The following CWF19L2 variants were observed in gnomAD, a reference collection of about 807,000 sequenced individuals.
CWF19L2 encodes CWF19-like protein 2.
Under a neutral mutation model 111.7 loss-of-function variants are expected in CWF19L2, and 98 were observed. The observed-to-expected ratio is 0.88, with a 90% confidence interval of 0.75 to 1.04. The LOEUF (loss-of-function observed/expected upper bound fraction) is 1.04. CWF19L2 is among the 50% of genes least tolerant of loss of function. The pLI, the probability that CWF19L2 is intolerant of heterozygous loss-of-function variation, is 0.00. For synonymous variants in CWF19L2, 351 were observed against 342.9 expected, an observed-to-expected ratio of 1.02 and a Z score of -0.26; for missense variants, 1,101 against 1,051.4, an observed-to-expected ratio of 1.05 and a Z score of -0.65.
At chr11:107,408,811 C>T (rs550203) in intron 10 of CWF19L2, among the ~76,000 whole-genome samples, 105,303 of 151,730 alleles carry the variant, frequency 0.69, 36,869 homozygotes, top group Non-Finnish European at 0.74. Flanking sequence ...CAAGCAAGAC[C>T]ATACCTCAGG....
chr11:107,336,408 A>C (rs1859924209), intron 15 of CWF19L2, 150 bp downstream of exon 15: 1 of 640,196 alleles, frequency 1.6e-6, no homozygotes, highest in Admixed American at 4.0e-5. Context: ...TGGCCTTCCA[A>C]GTGAGGCACT....
intron 12 of CWF19L2, among the ~76,000 whole-genome samples, chr11:107,371,012 CTTTTT>C (rs577136063): frequency 1.0e-5 from 1 of 100,026 alleles, no homozygotes. Flanking sequence ...TCTAGTTTCT[CTTTTT>C]TTTTTTTTTT....
At chr11:107,371,225 G>A (rs1333313040) in intron 12 of CWF19L2, among the ~76,000 whole-genome samples, 1 of 135,916 alleles carries the variant, frequency 7.4e-6, no homozygotes, top group Non-Finnish European at 1.6e-5. Context: ...GGATGGTATC[G>A]ACCTCCTGAC....
intron 10 of CWF19L2, chr11:107,404,309 C>A (rs636080): frequency 0.7 from 552,430 of 785,972 alleles, 198,679 homozygotes; most frequent in Non-Finnish European, 0.77. Context: ...GCCAGTCTCC[C>A]ACAACTTTAG....
At chr11:107,444,947 C>A (rs1225642782) in intron 3 of CWF19L2, among the ~76,000 whole-genome samples, 2 of 152,174 alleles carry the variant, frequency 1.3e-5, no homozygotes, top group Non-Finnish European at 2.9e-5. Flanking sequence ...GGTACCTGAC[C>A]CAATTCACAT....
intron 3 of CWF19L2, among the ~76,000 whole-genome samples, chr11:107,445,947 GAAGTC>G (rs1002014932): frequency 2.6e-5 from 4 of 152,174 alleles, no homozygotes; most frequent in African/African-American, 7.2e-5. Context: ...GGACTTTCTG[GAAGTC>G]AAGTTAAGAA....
intron 12 of CWF19L2, among the ~76,000 whole-genome samples, chr11:107,373,007 T>G: frequency 2.3e-5 from 1 of 43,922 alleles, no homozygotes; most frequent in Non-Finnish European, 4.3e-5. Flanking sequence ...AAGAAAGGGG[T>G]GACGGACGCA....
At position 107,329,908 on chromosome 11, in the gene CWF19L2, G is replaced by A. The variant is rs1859817586; in HGVS notation, c.2541+10C>T. 2 of 1,534,234 alleles carry A rather than the reference G, an allele frequency of 1.3e-6. No individual in the cohort carries two copies. The highest frequency in any genetic ancestry group is 2.3e-5 in the Admixed American group (1 of 43,580). ...CTAACTCTGGGATTTTATCAAATTT[G>A]TAAGCCTACCTTTCCAAAGTAATGA... On this transcript the variant is annotated intron_variant, in intron 17 of 17. Coordinates refer to ENST00000282251, the MANE Select transcript of CWF19L2 (RefSeq NM_152434.3).
At chr11:107,419,182 C>G (rs1029938096) in intron 8 of CWF19L2, among the ~76,000 whole-genome samples, 2 of 152,148 alleles carry the variant, frequency 1.3e-5, no homozygotes, top group Non-Finnish European at 2.9e-5. Flanking sequence ...ACTAGCTAGA[C>G]TAGGAAATCA....
intron 7 of CWF19L2, among the ~76,000 whole-genome samples, chr11:107,431,285 TAA>T (rs10540159): frequency 0.18 from 27,096 of 151,736 alleles, 2,583 homozygotes; most frequent in Middle Eastern, 0.27. Flanking sequence ...ATTAGGATAA[TAA>T]AAGTTTAAAG....
chr11:107,333,188 C>T (rs1009341423), intron 16 of CWF19L2, among the ~76,000 whole-genome samples: 1 of 152,052 alleles, frequency 6.6e-6, no homozygotes, highest in Admixed American at 6.6e-5. Flanking sequence ...TATGTGATGC[C>T]TTAATAAAGG....
Position 107,353,568 on chromosome 11 carries a change from T to C in CWF19L2, c.2041A>G (p.Ser681Gly), listed in dbSNP as rs750528079. ...ATAAGATGCTTGGGAAATTGAGAGC[T>C]GTCAAAACAATACAGACATTTTTCC... ...QMEKCLYCFDSSQFPKHLIVA... is the reference protein window; with the variant it reads ...QMEKCLYCFDGSQFPKHLIVA... Residue 681 changes from serine (S) to glycine (G), a missense_variant, in exon 13 of 18, where the codon AGC (serine) becomes GGC (glycine). Ser to Gly is a moderately conservative substitution (Grantham distance 56). Transcript: ENST00000282251. 206 of 1,613,658 alleles carry C rather than the reference T, an allele frequency of 1.3e-4. No homozygotes were observed. The highest frequency in any genetic ancestry group is 1.7e-4 in the Non-Finnish European group (196 of 1,179,772).
intron 6 of CWF19L2, among the ~76,000 whole-genome samples, chr11:107,438,050 A>T (rs772885375): frequency 1.3e-5 from 2 of 152,250 alleles, no homozygotes; most frequent in Non-Finnish European, 2.9e-5. Flanking sequence ...TAACTTTAGT[A>T]AAATTGCTAA....
In CWF19L2 at chr11:107,372,153, G is replaced by A. The variant is rs577176114; in HGVS notation, c.1872+17921C>T. Among the ~76,000 whole-genome samples the A allele has an allele frequency of 3.0e-5, 4 of 134,270 alleles. No individual in the cohort carries two copies. The East Asian group carries it at 8.6e-4, about 29-fold the overall frequency. 88.1% of individuals were successfully genotyped at this position (134,270 alleles called of 152,430 possible). A position where few individuals can be genotyped will look rare whatever the true frequency, so the allele number is the denominator to read the frequency against. ...GTGACTATACTAGATAGAATATATT[G>A]GTGAGCCAATCATATGAGACTTACA... On this transcript the variant is annotated intron_variant, in intron 12 of 17. Transcript: ENST00000282251.
At chr11:107,349,825 C>T (rs58723152) in intron 13 of CWF19L2, among the ~76,000 whole-genome samples, 2,667 of 151,632 alleles carry the variant, frequency 0.018, 61 homozygotes, top group African/African-American at 0.06. Context: ...GGATATCTAC[C>T]TAAAATTACA....
At chr11:107,445,823 T>C (rs1399836854) in intron 3 of CWF19L2, among the ~76,000 whole-genome samples, 2 of 152,216 alleles carry the variant, frequency 1.3e-5, no homozygotes, top group Admixed American at 6.5e-5. Flanking sequence ...GTTATCCCTC[T>C]TCTTTCCTAC....
intron 12 of CWF19L2, among the ~76,000 whole-genome samples, chr11:107,357,514 G>A (rs1009023178): frequency 6.6e-6 from 1 of 152,154 alleles, no homozygotes; most frequent in Non-Finnish European, 1.5e-5. Flanking sequence ...TTTATACATG[G>A]AAGATGGTAT....
At position 107,381,439 on chromosome 11, in the gene CWF19L2, T is replaced by C. The variant is rs1290539625; in HGVS notation, c.1872+8635A>G. ...AAAATGAATAAACTAAGTCAATATT[T>C]ATCTTATTCGGTTCTACAAAAAGGC... is the stretch of plus-strand genomic sequence containing the variant. On this transcript the variant is annotated intron_variant, in intron 12 of 17. Coordinates refer to ENST00000282251, the MANE Select transcript of CWF19L2 (RefSeq NM_152434.3). 2.6e-5 allele frequency among the ~76,000 whole-genome samples: 4 copies of C among 152,182 alleles called. No homozygotes were observed. The East Asian group carries it at 7.7e-4, about 29-fold the overall frequency.
At chr11:107,343,610 T>G (rs1408296196) in intron 14 of CWF19L2, among the ~76,000 whole-genome samples, 1 of 152,006 alleles carries the variant, frequency 6.6e-6, no homozygotes, top group Non-Finnish European at 1.5e-5. Flanking sequence ...TTATTTTTTT[T>G]GTTTTCTGTT....
Sources: gnomAD v4.1 joint callset for allele counts (sites outside exome capture counted in the v4.1 genomes callset) on GRCh38, gnomAD v4.1.1 for gene constraint, MANE v1.5 for transcripts, NCBI Gene and HGNC (gene_info 2026-07-23, HGNC 2026-07-21) for gene names.